ADGRG7: variants seen among roughly 807,000 people sequenced by gnomAD.
ADGRG7 encodes the protein adhesion G protein-coupled receptor G7, also known as G-protein coupled receptor 128.
Under a neutral mutation model 88.6 loss-of-function variants are expected in ADGRG7, and 82 were observed. The ratio of observed to expected loss-of-function variants is 0.93; its 90% CI spans 0.77 to 1.11. ADGRG7 has a LOEUF of 1.11. Ranked by LOEUF, ADGRG7 falls within the 50% of genes most tolerant of loss-of-function variation. The pLI, the probability that ADGRG7 is intolerant of heterozygous loss-of-function variation, is 0.00. For missense variants in ADGRG7, 945 were observed against 953.4 expected (o/e 0.99, Z 0.12); for synonymous variants, 381 against 345.2 (o/e 1.10, Z -1.15).
intron 1 of ADGRG7, among the ~76,000 whole-genome samples, chr3:100,617,179 C>T (rs1707238021): frequency 6.6e-6 from 1 of 151,932 alleles, no homozygotes; most frequent in South Asian, 2.1e-4. Flanking sequence ...AAAGAGTCCC[C>T]CAAAATAAAT....
intron 15 of ADGRG7, among the ~76,000 whole-genome samples, chr3:100,692,720 T>C (rs963799623): frequency 2.3e-4 from 35 of 151,572 alleles, no homozygotes; most frequent in African/African-American, 3.6e-4. Flanking sequence ...TAAAATGGAG[T>C]AGTGGGGCAA....
Position 100,694,735 on chromosome 3 carries a change from T to G in ADGRG7, c.2137-9T>G. On this transcript the variant is annotated splice_polypyrimidine_tract_variant and intron_variant, in intron 15 of 15. Coordinates refer to ENST00000273352, the MANE Select transcript of ADGRG7 (RefSeq NM_032787.3). The stretch of plus-strand genomic sequence containing the variant: ...CTTACCCAACATTAAACTTTTGTTC[T>G]ATCTGCAGGGATTGCAAATTTTTAT... 2 of 1,611,498 alleles carry G rather than the reference T, an allele frequency of 1.2e-6. No homozygotes were observed. The highest frequency in any genetic ancestry group is 1.7e-6 in the Non-Finnish European group (2 of 1,178,212).
In ADGRG7 at chr3:100,635,000, G is replaced by GACACACACAC. The variant is rs142620077; in HGVS notation, c.448-657_448-648dup. On this transcript the variant is annotated intron_variant, in intron 4 of 15. Transcript: ENST00000273352. The stretch of plus-strand genomic sequence containing the variant: ...GATGCTGCCATCTAGTGAAAACCAA[G>GACACACACAC]ACACACACACACACACACACACACA... Among the ~76,000 whole-genome samples, 110 of 146,776 alleles carry GACACACACAC rather than the reference G, an allele frequency of 7.5e-4. 1 individual carries two copies. Among genetic ancestry groups the GACACACACAC allele is most frequent in the African/African-American group, 2.5e-3 (98 of 39,992 alleles).
intron 11 of ADGRG7, chr3:100,654,616 C>T: frequency 2.2e-6 from 1 of 451,334 alleles, no homozygotes; most frequent in Non-Finnish European, 3.9e-6. Context: ...GATATGTCAA[C>T]CTGTATCCTT....
At chr3:100,610,622 A>C (rs768971735) in intron 1 of ADGRG7, among the ~76,000 whole-genome samples, 74 of 152,160 alleles carry the variant, frequency 4.9e-4, no homozygotes, top group Admixed American at 1.4e-3. Context: ...GTAGTGAGTA[A>C]AACAATGATG....
In ADGRG7 at chr3:100,691,097, G is replaced by A. The variant is rs1238168306; in HGVS notation, c.2137-3647G>A. On this transcript the variant is annotated intron_variant, in intron 15 of 15. Transcript: ENST00000273352. ...CCTCCCTCAGCCTTGCTGCCGCCTT[G>A]CAGTTTGATCTCAGACTGCTGTGCT... Among the ~76,000 whole-genome samples the A allele has an allele frequency of 2.0e-5, 3 of 152,322 alleles. 1 individual carries two copies. The highest frequency in any genetic ancestry group is 7.2e-5 in the African/African-American group (3 of 41,566).
chr3:100,656,223 G>A (rs2094937355), intron 13 of ADGRG7, among the ~76,000 whole-genome samples: 1 of 152,160 alleles, frequency 6.6e-6, no homozygotes, highest in Non-Finnish European at 1.5e-5. Context: ...ATTTATAAAT[G>A]TGAACTTTCT....
At position 100,609,832 on chromosome 3, in the gene ADGRG7, A is replaced by C; in HGVS notation, c.-25A>C. ...AGAAGCTAGTTATTTCTCACCCAGG[A>C]GTGGATTTGTGGTTTGGCTTCACCA... On this transcript the variant is annotated 5_prime_UTR_variant, in exon 1 of 16. Transcript: ENST00000273352. The C allele has an allele frequency of 6.5e-7, 1 of 1,532,772 alleles. No homozygotes were observed. The highest frequency in any genetic ancestry group is 9.0e-7 in the Non-Finnish European group (1 of 1,106,512). 94.9% of individuals were successfully genotyped at this position (1,532,772 alleles called of 1,614,324 possible).
chr3:100,635,361 G>T (rs148385053), intron 4 of ADGRG7, among the ~76,000 whole-genome samples: 1 of 152,268 alleles, frequency 6.6e-6, no homozygotes, highest in African/African-American at 2.4e-5. Flanking sequence ...CAGTTTCTGT[G>T]CTTATCTCTC....
At chr3:100,669,434 T>G (rs2094955622) in intron 15 of ADGRG7, among the ~76,000 whole-genome samples, 1 of 149,736 alleles carries the variant, frequency 6.7e-6, no homozygotes, top group East Asian at 2.0e-4. Flanking sequence ...AGTCTCCTGC[T>G]GAGGCACGAG....
At chr3:100,682,254 A>T (rs1282701165) in intron 15 of ADGRG7, among the ~76,000 whole-genome samples, 1 of 152,126 alleles carries the variant, frequency 6.6e-6, no homozygotes, top group Non-Finnish European at 1.5e-5. Flanking sequence ...TCGGGCAAGG[A>T]AGAGCAAGCA....
intron 9 of ADGRG7, 120 bp downstream of exon 9, chr3:100,646,228 G>GGA: frequency 1.0e-5 from 2 of 199,620 alleles, no homozygotes; most frequent in South Asian, 4.8e-5. Context: ...GGGGGGGAGG[G>GGA]TTTTCCATGA....
At chr3:100,640,971 G>A (rs192084894) in intron 6 of ADGRG7, among the ~76,000 whole-genome samples, 1 of 152,058 alleles carries the variant, frequency 6.6e-6, no homozygotes, top group African/African-American at 2.4e-5. Context: ...TTTACATTTC[G>A]CTTTTCTTTT....
At position 100,643,594 on chromosome 3, in the gene ADGRG7, GCA is replaced by G. The variant is rs1559677305; in HGVS notation, c.910_911del (p.Gln304AspfsTer2). Reference sequence around the variant, plus strand: ...AAATGTGGATGGCCTTAACCCAGATGCACAGACTGAGCTTCAGGTCTTGCTTA... The same window carrying G: ...AAATGTGGATGGCCTTAACCCAGATGCAGACTGAGCTTCAGGTCTTGCTTA... ...HTNVDGLNPDAQTELQVLLNM... is the reference protein window; with the variant it reads ...HTNVDGLNPDXQTELQVLLNM... On this transcript the variant is annotated frameshift_variant, in exon 8 of 16. Transcript: ENST00000273352. LOFTEE classifies it high-confidence loss of function. 3.7e-6 allele frequency: 6 copies of G among 1,613,826 alleles called. No individual in the cohort carries two copies. In the South Asian group the frequency reaches 6.6e-5, roughly 18 times the overall value.
At chr3:100,682,577 G>C (rs2094974982) in intron 15 of ADGRG7, among the ~76,000 whole-genome samples, 1 of 152,204 alleles carries the variant, frequency 6.6e-6, no homozygotes, top group African/African-American at 2.4e-5. Context: ...CCCACGATCT[G>C]CTCCCGGAAG....
chr3:100,671,571 T>C (rs1480145395), intron 15 of ADGRG7, among the ~76,000 whole-genome samples: 2 of 152,228 alleles, frequency 1.3e-5, no homozygotes, highest in Admixed American at 6.5e-5. Flanking sequence ...TAGATCCCAT[T>C]TGTCAATTTT....
intron 1 of ADGRG7, among the ~76,000 whole-genome samples, chr3:100,616,842 C>T (rs899433896): frequency 2.6e-5 from 4 of 151,878 alleles, no homozygotes; most frequent in Non-Finnish European, 5.9e-5. Flanking sequence ...CAAATAAAGT[C>T]CCCCCTCCAC....
chr3:100,639,028 G>A (rs369686457), intron 6 of ADGRG7, among the ~76,000 whole-genome samples: 1 of 37,840 alleles, frequency 2.6e-5, no homozygotes, highest in Non-Finnish European at 8.8e-5. Flanking sequence ...GTGTGTGTGT[G>A]TGTGTGTGTG....
chr3:100,633,979 A>G (rs1385732192), intron 4 of ADGRG7, among the ~76,000 whole-genome samples: 2 of 152,302 alleles, frequency 1.3e-5, no homozygotes, highest in East Asian at 3.9e-4. Flanking sequence ...TTTGAGACCA[A>G]AGGAAAGCCT....
Sources: gnomAD v4.1 joint callset for allele counts (sites outside exome capture counted in the v4.1 genomes callset) on GRCh38, gnomAD v4.1.1 for gene constraint, MANE v1.5 for transcripts, NCBI Gene and HGNC (gene_info 2026-07-23, HGNC 2026-07-21) for gene names.